Variants in RIPOR2 observed in about 807,000 individuals in gnomAD.
RIPOR2 encodes rho family-interacting cell polarization regulator 2.
Under a neutral mutation model 114.5 loss-of-function variants are expected in RIPOR2, and 39 were observed. The observed-to-expected ratio is 0.34, with a 90% CI of 0.26 to 0.44. The LOEUF (loss-of-function observed/expected upper bound fraction) is 0.44, where lower values mean the gene tolerates loss of function less well. Ranked by LOEUF, RIPOR2 falls within the 20% of genes least tolerant of loss-of-function variation. The pLI is 1.00. For missense variants in RIPOR2, 1,007 were observed against 1,255.1 expected (o/e 0.80, Z 2.99); for synonymous variants, 445 against 484.4 (o/e 0.92, Z 1.07).
rs1772438629 is a variant in RIPOR2, at chr6:24,946,768, C to T, written c.77-70951G>A. ...TCGCAGTGCCATCCCTTTGCACATA[C>T]TAGCTTTGTGGGCTGTGACCCAGTC... On this transcript the variant is annotated intron_variant, in intron 1 of 13. Transcript: ENST00000510784. Among the ~76,000 whole-genome samples, 6 of 152,312 alleles carry T rather than the reference C, an allele frequency of 3.9e-5. No individual in the cohort carries two copies. In the South Asian group the frequency reaches 1.2e-3, roughly 32 times the overall value.
chr6:24,850,327 T>C (rs1299593961), intron 10 of RIPOR2, among the ~76,000 whole-genome samples: 1 of 152,146 alleles, frequency 6.6e-6, no homozygotes, highest in South Asian at 2.1e-4. Context: ...CCTCCTGGGC[T>C]CAAGTGATCC....
intron 1 of RIPOR2, among the ~76,000 whole-genome samples, chr6:24,966,797 C>T (rs1773547700): frequency 6.6e-6 from 1 of 152,208 alleles, no homozygotes; most frequent in South Asian, 2.1e-4. Flanking sequence ...CTGTGCTGTA[C>T]TTGACCATGC....
intron 1 of RIPOR2, among the ~76,000 whole-genome samples, chr6:25,010,904 C>A (rs1293048881): frequency 6.6e-6 from 1 of 152,172 alleles, no homozygotes; most frequent in African/African-American, 2.4e-5. Flanking sequence ...GATCCCCATG[C>A]GTGCTACACT....
intron 1 of RIPOR2, among the ~76,000 whole-genome samples, chr6:24,962,960 C>A (rs115323783): frequency 0.014 from 2,100 of 152,306 alleles, 36 homozygotes; most frequent in African/African-American, 0.039. Flanking sequence ...CCCACCGGAG[C>A]AGGGTTCTCT....
At chr6:24,840,763 G>A (rs756567172) in intron 13 of RIPOR2, 10 of 1,535,366 alleles carry the variant, frequency 6.5e-6, no homozygotes, top group Non-Finnish European at 7.8e-6. Context: ...TGATCGTCAA[G>A]GTGTTTAGCA....
chr6:24,837,423 T>C (rs982416763), intron 14 of RIPOR2, among the ~76,000 whole-genome samples: 2 of 151,720 alleles, frequency 1.3e-5, no homozygotes, highest in Non-Finnish European at 2.9e-5. Context: ...CCCGGCCTTA[T>C]TTATTTATTT....
chr6:24,857,501 T>G (rs1468545711), intron 8 of RIPOR2, among the ~76,000 whole-genome samples: 7 of 152,184 alleles, frequency 4.6e-5, no homozygotes, highest in Non-Finnish European at 2.9e-5. Flanking sequence ...TACTCTTGCC[T>G]GCCTTCCTTT....
At position 24,883,230 on chromosome 6, in the gene RIPOR2, T is replaced by C. The variant is rs947421544; in HGVS notation, c.62-7413A>G. On this transcript the variant is annotated intron_variant, in intron 1 of 21. Transcript: ENST00000643898. The surrounding 1 kb of genome is among the most constrained non-coding windows in gnomAD (Gnocchi z 4.1). ...ACACATCTGTGATTTCTGAATGACA[T>C]GAGTAAGGATATCTCAGTTCTCGCC... 6.6e-6 allele frequency among the ~76,000 whole-genome samples: 1 copy of C among 152,192 alleles called. No homozygotes were observed. The highest frequency in any genetic ancestry group is 1.5e-5 in the Non-Finnish European group (1 of 68,040).
At chr6:24,974,227 A>G (rs1001328887) in intron 1 of RIPOR2, among the ~76,000 whole-genome samples, 3 of 152,084 alleles carry the variant, frequency 2.0e-5, no homozygotes, top group Non-Finnish European at 2.9e-5. Context: ...CTGCAAGGAA[A>G]AAAATAAGAT....
At chr6:24,958,295 A>G (rs931917464) in intron 1 of RIPOR2, among the ~76,000 whole-genome samples, 20 of 152,194 alleles carry the variant, frequency 1.3e-4, no homozygotes, top group Non-Finnish European at 2.1e-4. Flanking sequence ...TTAATTGAAA[A>G]TGATCTAAGG....
In RIPOR2 at chr6:24,843,083, G is replaced by C. The variant is rs1367334557; in HGVS notation, c.1636C>G (p.Leu546Val). The C allele has an allele frequency of 6.2e-7, 1 of 1,613,832 alleles. No individual in the cohort carries two copies. The highest frequency in any genetic ancestry group is 1.1e-5 in the South Asian group (1 of 91,084). ...DTSEGNITKQLVKRLTSAEVP... is the reference protein window; with the variant it reads ...DTSEGNITKQVVKRLTSAEVP... ...TCTGCAGATGTGAGCCTCTTGACCA[G>C]CTGCTTTGTGATGTTTCCTTCCGAA... The change falls in exon 13 of 22, where the codon CTG (leucine) becomes GTG (valine). Residue 546 changes from leucine (L) to valine (V), a missense_variant. Coordinates refer to ENST00000643898, the MANE Select transcript of RIPOR2 (RefSeq NM_001286445.3).
chr6:24,875,908 T>G (rs1189610707), intron 1 of RIPOR2, 91 bp from the exon 2 acceptor site: 1 of 1,252,000 alleles, frequency 8.0e-7, no homozygotes, highest in East Asian at 2.5e-5. Context: ...GGATGTAAAG[T>G]AAGCCATGAG....
intron 1 of RIPOR2, among the ~76,000 whole-genome samples, chr6:24,967,796 T>A (rs1554125885): frequency 6.6e-6 from 1 of 152,060 alleles, no homozygotes; most frequent in Non-Finnish European, 1.5e-5. Context: ...AACTGAGGTG[T>A]AAGAAAAGTT....
At chr6:24,997,085 T>G (rs1412875769) in intron 1 of RIPOR2, among the ~76,000 whole-genome samples, 1 of 152,232 alleles carries the variant, frequency 6.6e-6, no homozygotes, top group Non-Finnish European at 1.5e-5. Context: ...CCAATGATTT[T>G]CAACCTTGTC....
In RIPOR2 at chr6:24,913,354, A is replaced by C. The variant is rs529634604; in HGVS notation, c.61+22484T>G. 7.2e-5 allele frequency among the ~76,000 whole-genome samples: 11 copies of C among 152,252 alleles called. No individual in the cohort carries two copies. The East Asian group carries it at 2.1e-3, about 29-fold the overall frequency. ...CTCCCCTTGAGGGAGCTTCCTTAGGAAGGGAGCAGAACGTGTGGAGTATGG... is the reference window on the plus strand; with the variant it reads ...CTCCCCTTGAGGGAGCTTCCTTAGGCAGGGAGCAGAACGTGTGGAGTATGG... On this transcript the variant is annotated intron_variant, in intron 1 of 21. Coordinates refer to ENST00000643898, the MANE Select transcript of RIPOR2 (RefSeq NM_001286445.3).
At chr6:24,959,110 G>C (rs620115) in intron 1 of RIPOR2, among the ~76,000 whole-genome samples, 147,635 of 152,174 alleles carry the variant, frequency 0.97, 71,629 homozygotes, top group East Asian at 1. Flanking sequence ...GCCACTGCAC[G>C]TGGCCCTTCT....
At chr6:24,877,490 A>G (rs1341679742) in intron 1 of RIPOR2, 2 of 254,962 alleles carry the variant, frequency 7.8e-6, no homozygotes, top group African/African-American at 4.6e-5. Context: ...TTTAGAAGTA[A>G]TGAAGAAGTA....
In RIPOR2 at chr6:24,858,755, A is replaced by G. The variant is rs1364544857; in HGVS notation, c.715+2218T>C. 1.3e-5 allele frequency among the ~76,000 whole-genome samples: 2 copies of G among 152,148 alleles called. No homozygotes were observed. Among genetic ancestry groups the G allele is most frequent in the African/African-American group, 4.8e-5 (2 of 41,420 alleles). On this transcript the variant is annotated intron_variant, in intron 8 of 21. Transcript: ENST00000643898. This position sits in a 1 kb window ranked among gnomAD's most constrained non-coding sequence, Gnocchi z 4.0. ...AGGCAGGAGAGCAAGAACAACAGAGAGAGGAGGAGATGGAGGAGCAGGAGC... is the reference window on the plus strand; with the variant it reads ...AGGCAGGAGAGCAAGAACAACAGAGGGAGGAGGAGATGGAGGAGCAGGAGC...
chr6:24,832,200 C>T, intron 16 of RIPOR2, 56 bp downstream of exon 16: 1 of 1,510,394 alleles, frequency 6.6e-7, no homozygotes, highest in Non-Finnish European at 9.0e-7. Context: ...AGGGAGTGGA[C>T]TGGGCTAGTG....
Sources: gnomAD v4.1 joint callset for allele counts (sites outside exome capture counted in the v4.1 genomes callset) on GRCh38, gnomAD v4.1.1 for gene constraint, Gnocchi (gnomAD v3.1) non-coding constraint, MANE v1.5 for transcripts, NCBI Gene and HGNC (gene_info 2026-07-23, HGNC 2026-07-21) for gene names.